Variants in WDR27 observed in about 807,000 individuals in gnomAD.
WDR27 encodes the protein WD repeat domain 27.
WDR27 carries 100 observed loss-of-function variants against 114.4 expected under a neutral mutation model. That is an observed-to-expected ratio of 0.87 (90% CI 0.74 to 1.03). The LOEUF (loss-of-function observed/expected upper bound fraction) is 1.03, where lower values mean the gene tolerates loss of function less well. Among genes scored for constraint, WDR27 ranks in the 50% least tolerant of loss-of-function variants. WDR27 has a pLI of 0.00. For synonymous variants in WDR27, 449 were observed against 423.1 expected (o/e 1.06, Z -0.75); for missense variants, 1,129 against 1,092.9 (o/e 1.03, Z -0.47).
In WDR27 at chr6:169,664,767, C is replaced by T. The variant is rs924679569; in HGVS notation, c.784-481G>A. On this transcript the variant is annotated intron_variant, in intron 7 of 25. Transcript: ENST00000448612. ...CTTTGTGAAATGAACTTAAAAGGCT[C>T]ACCTAAAAAATGTTTTGAAAAAGGC... 4 of 994,480 alleles carry T rather than the reference C, an allele frequency of 4.0e-6. No individual in the cohort carries two copies. In the African/African-American group the frequency reaches 7.0e-5, roughly 17 times the overall value. 61.6% of individuals were successfully genotyped at this position (994,480 alleles called of 1,614,324 possible).
intron 21 of WDR27, among the ~76,000 whole-genome samples, chr6:169,622,561 T>C (rs1813636533): frequency 6.6e-6 from 1 of 152,132 alleles, no homozygotes; most frequent in African/African-American, 2.4e-5. Context: ...ACAGAACCAC[T>C]TGGAAAACAA....
chr6:169,561,545 T>A (rs1799668420), intron 25 of WDR27, among the ~76,000 whole-genome samples: 1 of 150,232 alleles, frequency 6.7e-6, no homozygotes. Flanking sequence ...TAAAGAAACC[T>A]CAAATTAACT....
intron 23 of WDR27, among the ~76,000 whole-genome samples, chr6:169,599,488 GGA>G (rs1807504063): frequency 6.6e-6 from 1 of 152,052 alleles, no homozygotes; most frequent in Non-Finnish European, 1.5e-5. Flanking sequence ...TTTAGTCTTG[GGA>G]GAGTGTACGT....
At chr6:169,695,350 G>C (rs184542136) in intron 1 of WDR27, among the ~76,000 whole-genome samples, 44 of 152,286 alleles carry the variant, frequency 2.9e-4, no homozygotes, top group African/African-American at 1.0e-3. Flanking sequence ...TACTGAGCTG[G>C]GGAAGAACAG....
chr6:169,437,140 A>C, the WDR27 span, among the ~76,000 whole-genome samples: 1 of 152,214 alleles, frequency 6.6e-6, no homozygotes, highest in Non-Finnish European at 1.5e-5. Flanking sequence ...TATTTTAAAA[A>C]GGGAAATTAT....
At chr6:169,615,843 C>CA (rs1811689178) in intron 21 of WDR27, among the ~76,000 whole-genome samples, 1 of 151,880 alleles carries the variant, frequency 6.6e-6, no homozygotes, top group Admixed American at 6.6e-5. Context: ...AGTAAACAGA[C>CA]AACCTACAGA....
chr6:169,529,280 A>T (rs1166238878), intron 25 of WDR27, among the ~76,000 whole-genome samples: 2 of 125,588 alleles, frequency 1.6e-5, no homozygotes, highest in Non-Finnish European at 3.2e-5. Flanking sequence ...AATGAAGTTT[A>T]CACGCTAGCA....
intron 21 of WDR27, among the ~76,000 whole-genome samples, chr6:169,623,916 C>G (rs34777544): frequency 6.6e-6 from 1 of 152,130 alleles, no homozygotes; most frequent in East Asian, 1.9e-4. Context: ...GTGACACAGC[C>G]TGAGCAAAAA....
At chr6:169,593,621 G>A (rs1311492106) in intron 23 of WDR27, among the ~76,000 whole-genome samples, 1 of 152,166 alleles carries the variant, frequency 6.6e-6, no homozygotes, top group African/African-American at 2.4e-5. Context: ...GCCAAGGTAG[G>A]TGGATCACTT....
At chr6:169,619,615 C>A (rs1431558292) in intron 21 of WDR27, among the ~76,000 whole-genome samples, 1 of 152,120 alleles carries the variant, frequency 6.6e-6, no homozygotes, top group Non-Finnish European at 1.5e-5. Flanking sequence ...GGCTTCCAGG[C>A]TCTAGGTAAA....
In WDR27 at chr6:169,659,540, G is replaced by A; in HGVS notation, c.1130-22C>T. On this transcript the variant is annotated intron_variant, in intron 10 of 25. Transcript: ENST00000448612. This position sits in a 1 kb window ranked among gnomAD's most constrained non-coding sequence, Gnocchi z 4.3. ...AAATCTTCAGTTGAGCGAAGACCAG[G>A]AAGAACATGATGGGGAGGGAGGTAG... 6.3e-7 allele frequency: 1 copy of A among 1,598,936 alleles called. No homozygotes were observed. Among genetic ancestry groups the A allele is most frequent in the South Asian group, 1.1e-5 (1 of 88,418 alleles).
intron 24 of WDR27, among the ~76,000 whole-genome samples, chr6:169,580,621 A>C (rs7759831): frequency 6.6e-6 from 1 of 152,132 alleles, no homozygotes; most frequent in Non-Finnish European, 1.5e-5. Flanking sequence ...TTAATTTTAC[A>C]CAGTTTTATG....
chr6:169,597,877 TACACACACACACACACACACAC>T (rs67336814), intron 23 of WDR27, among the ~76,000 whole-genome samples: 42 of 142,290 alleles, frequency 3.0e-4, no homozygotes, highest in African/African-American at 1.0e-3. Flanking sequence ...TTACCATTCA[TACACACACACACACACACACAC>T]ACACACACAC....
At chr6:169,452,835 G>A (rs993141464), downstream of WDR27, among the ~76,000 whole-genome samples, 2 of 152,230 alleles carry the variant, frequency 1.3e-5, no homozygotes, top group Admixed American at 6.5e-5. Context: ...TTTAATTTTC[G>A]TAATTTTCCC....
intron 25 of WDR27, among the ~76,000 whole-genome samples, chr6:169,495,508 G>A (rs1329237235): frequency 1.0e-5 from 1 of 100,308 alleles, no homozygotes; most frequent in African/African-American, 4.2e-5. Context: ...ACAAAAAGTT[G>A]ATTCTTTGAA....
intron 23 of WDR27, among the ~76,000 whole-genome samples, chr6:169,583,345 A>G (rs924960185): frequency 1.3e-5 from 2 of 150,676 alleles, no homozygotes; most frequent in African/African-American, 4.9e-5. Flanking sequence ...TCCCCCATAA[A>G]CTTGAGGTAG....
intron 22 of WDR27, among the ~76,000 whole-genome samples, chr6:169,606,709 A>C (rs1809268737): frequency 6.6e-6 from 1 of 152,182 alleles, no homozygotes; most frequent in Admixed American, 6.6e-5. Flanking sequence ...TATCCAGTCT[A>C]TCACTGATGG....
At chr6:169,582,062 C>T (rs1279007325) in intron 24 of WDR27, among the ~76,000 whole-genome samples, 1 of 152,240 alleles carries the variant, frequency 6.6e-6, no homozygotes, top group Non-Finnish European at 1.5e-5. Flanking sequence ...CAACCGCCGC[C>T]TCCCAGGTTC....
intron 24 of WDR27, among the ~76,000 whole-genome samples, chr6:169,576,443 A>G (rs901555012): frequency 2.0e-5 from 3 of 152,232 alleles, no homozygotes; most frequent in Non-Finnish European, 4.4e-5. Context: ...CAAAACTCAA[A>G]GATGAAGATT....
Sources: allele counts gnomAD v4.1 joint callset (sites outside exome capture counted in the v4.1 genomes callset), GRCh38; gene constraint gnomAD v4.1.1; non-coding constraint Gnocchi (gnomAD v3.1); transcripts MANE v1.5; gene names NCBI Gene and HGNC (gene_info 2026-07-23, HGNC 2026-07-21).